The following FAM184B variants were observed in gnomAD, a reference collection of about 807,000 sequenced individuals.
FAM184B encodes the protein protein FAM184B.
Under a neutral mutation model 135.9 loss-of-function variants are expected in FAM184B, and 111 were observed. The ratio of observed to expected loss-of-function variants is 0.82; its 90% confidence interval spans 0.70 to 0.96. The LOEUF (loss-of-function observed/expected upper bound fraction) is 0.96, where lower values mean the gene tolerates loss of function less well. Ranked by LOEUF, FAM184B falls within the 40% of genes least tolerant of loss-of-function variation. The probability of loss-of-function intolerance (pLI) is 0.00; values close to 1 mark genes in which losing one functional copy is unlikely to be tolerated. For synonymous variants in FAM184B, 552 were observed against 524.8 expected (o/e 1.05, Z -0.71); for missense variants, 1,375 against 1,323.9 (o/e 1.04, Z -0.60).
intron 17 of FAM184B, chr4:17,633,431 G>T (rs956644010): frequency 5.5e-5 from 19 of 343,210 alleles, no homozygotes; most frequent in Non-Finnish European, 9.4e-5. Flanking sequence ...ACCTGGAGAG[G>T]TCAAGTGACC....
At chr4:17,732,134 C>T (rs1241859384) in intron 1 of FAM184B, among the ~76,000 whole-genome samples, 2 of 152,126 alleles carry the variant, frequency 1.3e-5, no homozygotes, top group East Asian at 3.9e-4. Context: ...TCTTTGAAAC[C>T]AACAAGAACA....
chr4:17,763,561 A>T (rs1208271153), intron 1 of FAM184B, among the ~76,000 whole-genome samples: 1 of 96,180 alleles, frequency 1.0e-5, no homozygotes, highest in Non-Finnish European at 2.4e-5. Flanking sequence ...GGACGGACAC[A>T]CTTTGGCAGC....
chr4:17,749,345 G>A (rs1010926962), intron 1 of FAM184B, among the ~76,000 whole-genome samples: 16 of 151,944 alleles, frequency 1.1e-4, no homozygotes, highest in Non-Finnish European at 1.5e-5. Flanking sequence ...ACTTTGGGAG[G>A]CTAGGGCAGG....
At chr4:17,752,917 A>G (rs1718334735) in intron 1 of FAM184B, among the ~76,000 whole-genome samples, 1 of 152,180 alleles carries the variant, frequency 6.6e-6, no homozygotes, top group Non-Finnish European at 1.5e-5. Flanking sequence ...ATTGACACCC[A>G]AGTTTCTCTC....
Position 17,708,930 on chromosome 4 carries a change from G to A in FAM184B, c.856C>T (p.Leu286=), listed in dbSNP as rs73095607. Residue 286 remains leucine, a synonymous_variant, in exon 2 of 18, where the codon CTG becomes TTG. Transcript: ENST00000265018. The part of the protein sequence containing the change: ...LEHRGRKISD[L]KKYAQKLKER... ...TTCAGCTTCTGGGCGTACTTCTTCA[G>A]GTCACTTATCTTGCGGCCTCTGTGC... is the stretch of plus-strand genomic sequence containing the variant. The A allele has an allele frequency of 3.0e-4, 457 of 1,541,408 alleles. 5 individuals are homozygous for A. In the African/African-American group the frequency reaches 5.7e-3, roughly 19 times the overall value.
chr4:17,642,186 C>T lies in FAM184B; in HGVS notation c.2389G>A (p.Ala797Thr). The change falls in exon 13 of 18, where the codon GCT becomes ACT. Residue 797 changes from alanine (A) to threonine (T), a missense_variant. By Grantham distance (58) the Ala-to-Thr change is moderately conservative. Transcript: ENST00000265018. Reference sequence around the variant, plus strand: ...CATCCCTCGCCGGAACCCTGCCCAGCAGCGCCCGGTGGGGAGCCGGCCTGG... The same window carrying T: ...CATCCCTCGCCGGAACCCTGCCCAGTAGCGCCCGGTGGGGAGCCGGCCTGG... ...PGQAGSPPGA[A>T]GQGSGEGCGL... 6.5e-7 allele frequency: 1 copy of T among 1,529,300 alleles called. No homozygotes were observed. The highest frequency in any genetic ancestry group is 8.7e-7 in the Non-Finnish European group (1 of 1,143,952). 94.7% of individuals were successfully genotyped at this position (1,529,300 alleles called of 1,614,324 possible).
intron 1 of FAM184B, among the ~76,000 whole-genome samples, chr4:17,753,179 T>TA (rs1461101499): frequency 1.3e-5 from 2 of 152,206 alleles, no homozygotes; most frequent in Non-Finnish European, 2.9e-5. Flanking sequence ...GGACCTCCAT[T>TA]ACCTCACACC....
chr4:17,700,888 C>A (rs189972657), intron 5 of FAM184B, among the ~76,000 whole-genome samples: 16 of 151,124 alleles, frequency 1.1e-4, no homozygotes, highest in Admixed American at 3.3e-4. Context: ...TCTAAATAAC[C>A]AGGGTTATTT....
intron 1 of FAM184B, among the ~76,000 whole-genome samples, chr4:17,780,063 C>T (rs1281024247): frequency 6.6e-6 from 1 of 152,108 alleles, no homozygotes; most frequent in African/African-American, 2.4e-5. Flanking sequence ...GAGACAGGCT[C>T]ACGTGCAAAG....
chr4:17,766,763 C>T (rs567600261), intron 1 of FAM184B, among the ~76,000 whole-genome samples: 84 of 152,370 alleles, frequency 5.5e-4, no homozygotes, highest in Middle Eastern at 3.4e-3. Flanking sequence ...GATCCCGCAC[C>T]GGGGCAGCAG....
At chr4:17,643,015 C>G (rs868784515) in intron 12 of FAM184B, among the ~76,000 whole-genome samples, 2 of 152,250 alleles carry the variant, frequency 1.3e-5, no homozygotes, top group Admixed American at 6.5e-5. Flanking sequence ...GGCCCCATGT[C>G]TCTGCCTTCC....
chr4:17,758,505 C>T (rs1369324397), intron 1 of FAM184B, among the ~76,000 whole-genome samples: 2 of 152,190 alleles, frequency 1.3e-5, no homozygotes, highest in African/African-American at 4.8e-5. Flanking sequence ...CTTTTTCAGA[C>T]ACTGGCTTTT....
intron 15 of FAM184B, 37 bp downstream of exon 15, chr4:17,636,491 C>G: frequency 6.6e-7 from 1 of 1,505,848 alleles, no homozygotes; most frequent in Non-Finnish European, 9.0e-7. Context: ...CAGTGCCCGG[C>G]CAGGTGCGTG....
chr4:17,680,006 G>A (rs1177948244), intron 7 of FAM184B, among the ~76,000 whole-genome samples: 1 of 152,150 alleles, frequency 6.6e-6, no homozygotes, highest in Non-Finnish European at 1.5e-5. Context: ...ATGATACAGT[G>A]GACTTTGGGG....
chr4:17,659,182 G>A (rs1301783790), intron 9 of FAM184B, among the ~76,000 whole-genome samples: 3 of 143,748 alleles, frequency 2.1e-5, no homozygotes, highest in South Asian at 2.2e-4. Flanking sequence ...CACGACTCAC[G>A]GCAGCCTCGA....
intron 1 of FAM184B, among the ~76,000 whole-genome samples, chr4:17,744,082 G>A (rs956185387): frequency 2.6e-5 from 4 of 152,076 alleles, no homozygotes; most frequent in African/African-American, 4.8e-5. Flanking sequence ...ACTAACATTT[G>A]GTCACATTTC....
intron 2 of FAM184B, among the ~76,000 whole-genome samples, chr4:17,708,306 G>T (rs1717161438): frequency 6.6e-6 from 1 of 152,076 alleles, no homozygotes; most frequent in South Asian, 2.1e-4. Flanking sequence ...CTCACCACGT[G>T]TCCCTTGCCC....
chr4:17,665,902 C>CG (rs1716037646), intron 7 of FAM184B, among the ~76,000 whole-genome samples: 1 of 152,034 alleles, frequency 6.6e-6, no homozygotes, highest in South Asian at 2.1e-4. Flanking sequence ...CCCCCCGCCC[C>CG]CCAGTTGCTG....
intron 1 of FAM184B, among the ~76,000 whole-genome samples, chr4:17,757,262 GA>G (rs969097353): frequency 1.3e-5 from 2 of 151,958 alleles, no homozygotes; most frequent in Non-Finnish European, 2.9e-5. Flanking sequence ...AATAAGCAAA[GA>G]AAAAACAATG....
Sources: allele counts gnomAD v4.1 joint callset (sites outside exome capture counted in the v4.1 genomes callset), GRCh38; gene constraint gnomAD v4.1.1; transcripts MANE v1.5; gene names NCBI Gene and HGNC (gene_info 2026-07-23, HGNC 2026-07-21).